Variants in HGF observed in about 807,000 individuals in gnomAD.
HGF encodes the protein fibroblast-derived tumor cytotoxic factor.
Under a neutral mutation model 111.6 loss-of-function variants are expected in HGF, and 39 were observed. The ratio of observed to expected loss-of-function variants is 0.35; its 90% CI spans 0.27 to 0.46. The LOEUF (loss-of-function observed/expected upper bound fraction) is 0.46, where lower values mean the gene tolerates loss of function less well. HGF is among the 20% of genes least tolerant of loss of function. HGF has a pLI of 1.00. For synonymous variants in HGF, 285 were observed against 294.8 expected, an observed-to-expected ratio of 0.97 and a Z score of 0.34; for missense variants, 735 against 910.5, an observed-to-expected ratio of 0.81 and a Z score of 2.48.
chr7:81,704,685 A>G (rs1472668317), intron 17 of HGF, among the ~76,000 whole-genome samples: 1 of 151,772 alleles, frequency 6.6e-6, no homozygotes. Flanking sequence ...TTTCACTATC[A>G]TTGAACTCAT....
intron 17 of HGF, 67 bp downstream of exon 17, chr7:81,705,323 G>GA (rs1441646821): frequency 1.3e-6 from 2 of 1,508,376 alleles, no homozygotes; most frequent in African/African-American, 2.8e-5. Context: ...AAAATAAACA[G>GA]AAAAAAATAA....
intron 10 of HGF, among the ~76,000 whole-genome samples, chr7:81,718,919 T>C (rs1789783465): frequency 6.6e-6 from 1 of 152,190 alleles, no homozygotes; most frequent in South Asian, 2.1e-4. Flanking sequence ...AAAATAGCAG[T>C]GCTGAAATTA....
At position 81,757,177 on chromosome 7, in the gene HGF, T is replaced by G; in HGVS notation, c.482+12A>C. The G allele has an allele frequency of 7.6e-7, 1 of 1,310,094 alleles. No individual in the cohort carries two copies. The highest frequency in any genetic ancestry group is 1.1e-6 in the Non-Finnish European group (1 of 902,458). The allele number at this position is 1,310,094 out of a possible 1,614,324, so 81.2% of individuals were successfully genotyped here. On this transcript the variant is annotated intron_variant, in intron 4 of 17. Coordinates refer to ENST00000222390, the MANE Select transcript of HGF (RefSeq NM_000601.6). ...ACAGAGGCTTCATCTCTTTTCTTCATACTGTTCTTACCTGTGTTCGTGTGG... is the reference window on the plus strand; with the variant it reads ...ACAGAGGCTTCATCTCTTTTCTTCAGACTGTTCTTACCTGTGTTCGTGTGG...
Position 81,762,608 on chromosome 7 carries a change from T to G in HGF, c.254+99A>C, listed in dbSNP as rs1789141883. 9 of 945,608 alleles carry G rather than the reference T, an allele frequency of 9.5e-6. No homozygotes were observed. The East Asian group carries it at 2.2e-4, about 23-fold the overall frequency. 58.6% of individuals were successfully genotyped at this position (945,608 alleles called of 1,614,324 possible). A position where few individuals can be genotyped will look rare whatever the true frequency, so the allele number is the denominator to read the frequency against. On this transcript the variant is annotated intron_variant, in intron 2 of 17. Coordinates refer to ENST00000222390, the MANE Select transcript of HGF (RefSeq NM_000601.6). ...ATCTAGAGTCAAACTTACAATTTTA[T>G]GATCAAATCACATTGACTACAACAC... is the stretch of plus-strand genomic sequence containing the variant.
At chr7:81,720,982 A>T in intron 9 of HGF, 135 bp from the exon 10 acceptor site, 1 of 643,558 alleles carries the variant, frequency 1.6e-6, no homozygotes, top group South Asian at 1.6e-5. Context: ...GCGGTGGCTC[A>T]CGCCTGTAAT....
At chr7:81,730,767 A>G (rs567680066) in intron 7 of HGF, among the ~76,000 whole-genome samples, 7 of 152,312 alleles carry the variant, frequency 4.6e-5, no homozygotes, top group Non-Finnish European at 8.8e-5. Context: ...TAAAACATAC[A>G]TGAAAATGTT....
chr7:81,710,468 A>ACTCAAAGC (rs989357118), intron 12 of HGF, among the ~76,000 whole-genome samples: 26 of 152,210 alleles, frequency 1.7e-4, no homozygotes, highest in South Asian at 4.2e-4. Context: ...AAACAAATAA[A>ACTCAAAGC]CTCAAAGCAG....
chr7:81,754,548 A>G (rs1326616603), intron 4 of HGF, among the ~76,000 whole-genome samples: 1 of 152,018 alleles, frequency 6.6e-6, no homozygotes, highest in African/African-American at 2.4e-5. Flanking sequence ...CAAAACACGA[A>G]TAAAATTCCC....
chr7:81,758,638 T>A (rs1335770591), intron 3 of HGF, 54 bp downstream of exon 3: 1 of 1,085,822 alleles, frequency 9.2e-7, no homozygotes, highest in African/African-American at 1.6e-5. Context: ...ATTACAAACA[T>A]ACATTTCATT....
chr7:81,740,176 A>G (rs1355251805), intron 7 of HGF, among the ~76,000 whole-genome samples: 2 of 152,220 alleles, frequency 1.3e-5, no homozygotes, highest in Non-Finnish European at 2.9e-5. Context: ...AGTATATGAT[A>G]AAACACGAGT....
chr7:81,737,432 T>C (rs888393180), intron 7 of HGF, among the ~76,000 whole-genome samples: 3 of 152,086 alleles, frequency 2.0e-5, no homozygotes, highest in Admixed American at 1.3e-4. Flanking sequence ...TAGCAAGAAG[T>C]TGTTCTTAGA....
intron 7 of HGF, among the ~76,000 whole-genome samples, chr7:81,730,258 G>A (rs993086221): frequency 6.6e-6 from 1 of 152,032 alleles, no homozygotes; most frequent in Non-Finnish European, 1.5e-5. Context: ...AGACCAGCCT[G>A]GCCAACATGG....
chr7:81,729,568 C>T (rs2115927282), intron 8 of HGF, 37 bp downstream of exon 8: 2 of 1,497,656 alleles, frequency 1.3e-6, no homozygotes, highest in Non-Finnish European at 1.9e-6. Context: ...TTCCCCAGGG[C>T]CTACTGAAAT....
Position 81,751,189 on chromosome 7 carries a change from A to T in HGF, c.625+931T>A, listed in dbSNP as rs1195868086. On this transcript the variant is annotated intron_variant, in intron 5 of 17. Transcript: ENST00000222390. ...AATATTTGGTTAATAACAAACAGGT[A>T]AGATATCTTAGTATAAAACTTGGAC... The T allele has an allele frequency of 6.7e-6, 6 of 894,362 alleles. No homozygotes were observed. The African/African-American group carries it at 1.1e-4, about 16-fold the overall frequency. The allele number at this position is 894,362 out of a possible 1,614,324, so 55.4% of individuals were successfully genotyped here.
rs756101495 is a variant in HGF at position 81,701,983 on chromosome 7, T to C, written c.*598A>G. 18 of 172,404 alleles carry C rather than the reference T, an allele frequency of 1.0e-4. No homozygotes were observed. The highest frequency in any genetic ancestry group is 1.9e-4 in the Non-Finnish European group (15 of 79,720). 10.7% of individuals were successfully genotyped at this position (172,404 alleles called of 1,614,324 possible). A position where few individuals can be genotyped will look rare whatever the true frequency, so the allele number is the denominator to read the frequency against. On this transcript the variant is annotated 3_prime_UTR_variant, in exon 18 of 18. Transcript: ENST00000222390. ...TAAAATATTTAGGGGTTACATTAGG[T>C]ACACCATAATTTAAACTGTAGTGCA...
At chr7:81,757,653 T>G (rs1415188653) in intron 3 of HGF, among the ~76,000 whole-genome samples, 6 of 152,168 alleles carry the variant, frequency 3.9e-5, no homozygotes. Flanking sequence ...ATTAAATGAT[T>G]TTTAAAACCT....
chr7:81,712,207 T>C (rs952393991), intron 11 of HGF, among the ~76,000 whole-genome samples: 6 of 152,138 alleles, frequency 3.9e-5, no homozygotes, highest in Non-Finnish European at 8.8e-5. Context: ...TTCCATTGAA[T>C]AGCACTCGTG....
intron 2 of HGF, among the ~76,000 whole-genome samples, chr7:81,759,385 A>G (rs1788947589): frequency 6.6e-6 from 1 of 152,224 alleles, no homozygotes; most frequent in Non-Finnish European, 1.5e-5. Flanking sequence ...AAATTTTTGC[A>G]TATAATGTAA....
intron 10 of HGF, among the ~76,000 whole-genome samples, chr7:81,718,062 A>G (rs977491908): frequency 1.6e-4 from 24 of 152,190 alleles, no homozygotes; most frequent in African/African-American, 5.5e-4. Context: ...AATGAAGTCA[A>G]TTCTACATGG....
Sources: allele counts gnomAD v4.1 joint callset (sites outside exome capture counted in the v4.1 genomes callset), GRCh38; gene constraint gnomAD v4.1.1; transcripts MANE v1.5; gene names NCBI Gene and HGNC (gene_info 2026-07-23, HGNC 2026-07-21).